CD96: variants seen among roughly 807,000 people sequenced by gnomAD.
CD96 encodes the protein CD96 molecule.
A neutral mutation model predicts 71.3 loss-of-function variants in CD96; 70 were observed. That is an observed-to-expected ratio of 0.98 (90% CI 0.81 to 1.20). The LOEUF is 1.20. CD96 is among the 50% of genes most tolerant of loss of function. CD96 has a pLI of 0.00. For missense variants in CD96, 742 were observed against 677.5 expected, an observed-to-expected ratio of 1.10 and a Z score of -1.06; for synonymous variants, 248 against 233.0, an observed-to-expected ratio of 1.06 and a Z score of -0.59.
chr3:111,600,808 TAA>T lies in CD96; in HGVS notation c.983_984del (p.Lys328ThrfsTer21), dbSNP rs748809225. On this transcript the variant is annotated frameshift_variant, in exon 7 of 14. Coordinates refer to ENST00000352690, the MANE Select transcript of CD96 (RefSeq NM_005816.5). LOFTEE classifies it high-confidence loss of function. ...KSVLTRVHSNKPAQSDNLTIW... is the reference protein window; with the variant it reads ...KSVLTRVHSNXPAQSDNLTIW... ...CTGTTTTAACAAGGGTACATAGTAA[TAA>T]ACCAGCCCAATCAGACAACTTGACC... The T allele has an allele frequency of 1.2e-6, 2 of 1,613,362 alleles. No individual in the cohort carries two copies. The highest frequency in any genetic ancestry group is 3.3e-5 in the Admixed American group (2 of 60,020).
chr3:111,653,038 C>T (rs72939576), downstream of CD96, among the ~76,000 whole-genome samples: 1,020 of 152,154 alleles, frequency 6.7e-3, 19 homozygotes, highest in African/African-American at 0.023. Flanking sequence ...GTTTCCTTAC[C>T]CACCTGCACC....
chr3:111,643,248 T>C (rs1202507308), intron 12 of CD96, among the ~76,000 whole-genome samples: 2 of 152,026 alleles, frequency 1.3e-5, no homozygotes, highest in African/African-American at 2.4e-5. Context: ...ATCATCTCAA[T>C]TGATACAAAA....
intron 7 of CD96, among the ~76,000 whole-genome samples, chr3:111,603,563 G>A (rs1236542604): frequency 1.3e-5 from 2 of 152,162 alleles, no homozygotes; most frequent in Non-Finnish European, 2.9e-5. Context: ...TTTGGGGAGT[G>A]GATAGGAGAC....
At chr3:111,583,734 A>G (rs1936576252) in intron 4 of CD96, among the ~76,000 whole-genome samples, 1 of 152,180 alleles carries the variant, frequency 6.6e-6, no homozygotes, top group African/African-American at 2.4e-5. Context: ...TTTCAGCCAT[A>G]GCTGGAATGG....
At chr3:111,550,116 G>A (rs1934619287) in intron 2 of CD96, among the ~76,000 whole-genome samples, 1 of 152,058 alleles carries the variant, frequency 6.6e-6, no homozygotes, top group South Asian at 2.1e-4. Flanking sequence ...AGTGAATTGG[G>A]TCACAAAAAC....
chr3:111,620,091 T>TTTTGC, intron 8 of CD96, among the ~76,000 whole-genome samples: 1 of 152,370 alleles, frequency 6.6e-6, no homozygotes, highest in South Asian at 2.1e-4. Flanking sequence ...TTTGCATGGC[T>TTTTGC]ATGCCCTCTG....
At position 111,542,224 on chromosome 3, in the gene CD96, G is replaced by T. The variant is rs751441664; in HGVS notation, c.-25G>T. 6.2e-7 allele frequency: 1 copy of T among 1,603,816 alleles called. No homozygotes were observed. The highest frequency in any genetic ancestry group is 8.5e-7 in the Non-Finnish European group (1 of 1,170,592). ...TTGACTTTGTGATCATTACAGAAAT[G>T]CTGGTGTAAGGTGTTCAGAAGACAA... On this transcript the variant is annotated 5_prime_UTR_variant, in exon 1 of 14. It removes an upstream start codon present in the reference 5' UTR. Coordinates refer to ENST00000352690, the MANE Select transcript of CD96 (RefSeq NM_005816.5).
intron 8 of CD96, among the ~76,000 whole-genome samples, chr3:111,616,020 C>T (rs1404246265): frequency 6.6e-6 from 1 of 152,108 alleles, no homozygotes; most frequent in Non-Finnish European, 1.5e-5. Flanking sequence ...GTCACCTTCT[C>T]GATGAGGTAC....
intron 2 of CD96, among the ~76,000 whole-genome samples, chr3:111,562,272 C>T (rs1935487441): frequency 6.6e-6 from 1 of 152,212 alleles, no homozygotes; most frequent in South Asian, 2.1e-4. Flanking sequence ...AATTCAACAC[C>T]TGGGTCCACC....
At chr3:111,585,965 C>T (rs149930294) in intron 5 of CD96, among the ~76,000 whole-genome samples, 18 of 152,222 alleles carry the variant, frequency 1.2e-4, no homozygotes, top group East Asian at 1.9e-4. Flanking sequence ...CTCAATTTCT[C>T]GCTCTTTCTC....
At chr3:111,556,883 T>G (rs1162518008) in intron 2 of CD96, among the ~76,000 whole-genome samples, 1 of 145,928 alleles carries the variant, frequency 6.9e-6, no homozygotes, top group Non-Finnish European at 1.5e-5. Flanking sequence ...CCTGACTTTG[T>G]AATGATTGTC....
rs111842003 is a variant in CD96 at position 111,587,507 on chromosome 3, T to A, written c.807+2129T>A. 4.0e-3 allele frequency among the ~76,000 whole-genome samples: 609 copies of A among 152,334 alleles called. 2 individuals are homozygous for A. Among genetic ancestry groups the A allele is most frequent in the Non-Finnish European group, 5.7e-3 (386 of 68,030 alleles). On this transcript the variant is annotated intron_variant, in intron 5 of 13. Transcript: ENST00000352690. ...GCTTTTCCAGGCACACAGTGCAAGC[T>A]GTCACGGATCTACCATTCTGGGATC...
At chr3:111,658,984 G>A (rs1264830339) in intron 14 of CD96, among the ~76,000 whole-genome samples, 1 of 152,140 alleles carries the variant, frequency 6.6e-6, no homozygotes, top group Non-Finnish European at 1.5e-5. Context: ...TGTACATCTG[G>A]TAGAATTTGG....
chr3:111,665,964 A>G (rs1009031694), downstream of CD96, among the ~76,000 whole-genome samples: 1 of 152,154 alleles, frequency 6.6e-6, no homozygotes, highest in African/African-American at 2.4e-5. Context: ...CTTGACCAAT[A>G]TTTATCTGTT....
chr3:111,632,221 T>C (rs149066392), intron 10 of CD96, among the ~76,000 whole-genome samples: 50 of 152,216 alleles, frequency 3.3e-4, no homozygotes, highest in Non-Finnish European at 5.6e-4. Context: ...CATCTATCCA[T>C]CTGAAAAAGG....
intron 2 of CD96, among the ~76,000 whole-genome samples, chr3:111,554,191 A>AT (rs1335086046): frequency 1.3e-5 from 2 of 151,916 alleles, no homozygotes; most frequent in Non-Finnish European, 2.9e-5. Flanking sequence ...CTTCTTCTAT[A>AT]TTTTCTACTT....
intron 14 of CD96, among the ~76,000 whole-genome samples, chr3:111,658,824 A>C: frequency 6.6e-6 from 1 of 152,238 alleles, no homozygotes; most frequent in Middle Eastern, 3.2e-3. Context: ...GTCTGTGTTC[A>C]TCAGGGATAT....
intron 12 of CD96, among the ~76,000 whole-genome samples, chr3:111,644,150 G>A (rs911988125): frequency 4.6e-5 from 7 of 151,942 alleles, no homozygotes; most frequent in East Asian, 1.9e-4. Context: ...TAGACCAATG[G>A]AACAGAATAA....
At position 111,545,374 on chromosome 3, in the gene CD96, A is replaced by AATCT; in HGVS notation, c.392_395dup (p.Asn133LeufsTer13). 1 of 1,609,702 alleles carries AATCT rather than the reference A, an allele frequency of 6.2e-7. No individual in the cohort carries two copies. The highest frequency in any genetic ancestry group is 8.5e-7 in the Non-Finnish European group (1 of 1,175,972). ...TGTATCCAGAGGGCATTCAGACTAAAATCTACAACCTTCTCATTCAGACAC... is the reference window on the plus strand; with the variant it reads ...TGTATCCAGAGGGCATTCAGACTAAAATCTATCTACAACCTTCTCATTCAGACAC... On this transcript the variant is annotated frameshift_variant, in exon 2 of 14. Transcript: ENST00000352690. LOFTEE classifies it high-confidence loss of function.
Sources: allele counts gnomAD v4.1 joint callset (sites outside exome capture counted in the v4.1 genomes callset), GRCh38; gene constraint gnomAD v4.1.1; transcripts MANE v1.5; gene names NCBI Gene and HGNC (gene_info 2026-07-23, HGNC 2026-07-21).